The following NCOR2 variants were observed in gnomAD, a reference collection of about 807,000 sequenced individuals.
The protein encoded by NCOR2 is CTG repeat protein 26.
In NCOR2, 81 loss-of-function variants were observed where a neutral mutation model predicts 262.9. The ratio of observed to expected loss-of-function variants is 0.31; its 90% CI spans 0.26 to 0.37. The LOEUF is 0.37. Among genes scored for constraint, NCOR2 ranks in the 10% least tolerant of loss-of-function variants. The probability of loss-of-function intolerance (pLI) is 1.00; values close to 1 mark genes in which losing one functional copy is unlikely to be tolerated. For synonymous variants in NCOR2, 1,659 were observed against 1,559.3 expected, an observed-to-expected ratio of 1.06 and a Z score of -1.51; for missense variants, 3,385 against 3,621.4, an observed-to-expected ratio of 0.93 and a Z score of 1.68.
intron 38 of NCOR2, 190 bp from the exon 41 acceptor site, chr12:124,335,822 GA>G (rs2135781736): frequency 1.6e-6 from 1 of 612,462 alleles, no homozygotes; most frequent in African/African-American, 1.8e-5. Flanking sequence ...GGCCAAGGGA[GA>G]GGTGGAGAGA....
chr12:124,487,335 G>A (rs1242589224), intron 1 of NCOR2, among the ~76,000 whole-genome samples: 2 of 152,186 alleles, frequency 1.3e-5, no homozygotes, highest in East Asian at 1.9e-4. Context: ...CCCCAAGGCC[G>A]CCCTGTAAAA....
intron 7 of NCOR2, among the ~76,000 whole-genome samples, chr12:124,441,372 C>T (rs1264171661): frequency 3.3e-5 from 5 of 152,168 alleles, no homozygotes; most frequent in African/African-American, 9.7e-5. Flanking sequence ...ACTAGATTAG[C>T]GTCCCAGGAA....
At chr12:124,474,508 G>A (rs991918043) in intron 3 of NCOR2, among the ~76,000 whole-genome samples, 1 of 152,062 alleles carries the variant, frequency 6.6e-6, no homozygotes, top group Non-Finnish European at 1.5e-5. Context: ...GTGCACCCAG[G>A]CTGTGCTGGA....
intron 40 of NCOR2, 136 bp downstream of exon 42, chr12:124,334,998 GA>G: frequency 7.5e-7 from 1 of 1,338,612 alleles, no homozygotes; most frequent in Non-Finnish European, 1.1e-6. Context: ...CCACGCCCTG[GA>G]TCCCCCCAGC....
chr12:124,398,352 T>C (rs2041808897), intron 15 of NCOR2, among the ~76,000 whole-genome samples, 171 bp from the exon 18 acceptor site: 1 of 152,348 alleles, frequency 6.6e-6, no homozygotes, highest in Admixed American at 6.5e-5. Context: ...CCCCAGCCAG[T>C]ACCCACCGTG....
intron 10 of NCOR2, among the ~76,000 whole-genome samples, chr12:124,427,395 C>T (rs1045473008): frequency 1.3e-5 from 2 of 152,212 alleles, no homozygotes; most frequent in African/African-American, 4.8e-5. Context: ...TCCTAATGCA[C>T]TGGGATGACT....
intron 1 of NCOR2, among the ~76,000 whole-genome samples, chr12:124,516,517 C>T (rs569830134): frequency 7.2e-5 from 11 of 152,204 alleles, no homozygotes; most frequent in Non-Finnish European, 1.3e-4. Flanking sequence ...ATGGACGGAA[C>T]TCGAACTTAA....
At chr12:124,476,116 G>A (rs1008637196) in intron 3 of NCOR2, among the ~76,000 whole-genome samples, 2 of 152,174 alleles carry the variant, frequency 1.3e-5, no homozygotes, top group African/African-American at 4.8e-5. Flanking sequence ...GGGGCCATGG[G>A]CATCTGACCC....
rs569301022 is a variant in NCOR2, at chr12:124,440,555, G to A, written c.816-2559C>T. Reference sequence around the variant, plus strand: ...TTCCTCATCTGAAATCTATGGCATCGCAGCCTCATCTTCTGTTATTCAATA... The same window carrying A: ...TTCCTCATCTGAAATCTATGGCATCACAGCCTCATCTTCTGTTATTCAATA... On this transcript the variant is annotated intron_variant, in intron 7 of 46. Transcript: ENST00000405201. The surrounding 1 kb of genome is among the most constrained non-coding windows in gnomAD (Gnocchi z 5.7). 1.2e-3 allele frequency among the ~76,000 whole-genome samples: 188 copies of A among 152,344 alleles called. 2 individuals carry two copies. The highest frequency in any genetic ancestry group is 4.2e-3 in the Admixed American group (65 of 15,306).
At chr12:124,529,767 G>A (rs906939285) in intron 1 of NCOR2, 1 of 152,246 alleles carries the variant, frequency 6.6e-6, no homozygotes, top group Non-Finnish European at 1.5e-5. Flanking sequence ...GTAATCGCAT[G>A]TGCATTAGGG....
chr12:124,384,038 G>A (rs1403173414), intron 17 of NCOR2, among the ~76,000 whole-genome samples: 1 of 151,856 alleles, frequency 6.6e-6, no homozygotes, highest in Non-Finnish European at 1.5e-5. Context: ...CCCCAGAGAG[G>A]GGAGGCGGGG....
Position 124,553,387 on chromosome 12 carries a change from G to T in NCOR2, c.-165+13921C>A, listed in dbSNP as rs2051776378. Among the ~76,000 whole-genome samples, 4 of 152,170 alleles carry T rather than the reference G, an allele frequency of 2.6e-5. 1 individual carries two copies. In the South Asian group the frequency reaches 8.3e-4, roughly 32 times the overall value. On this transcript the variant is annotated intron_variant, in intron 1 of 32. Transcript: ENST00000458234. Reference sequence around the variant, plus strand: ...CTGAGAATTAGGACATCGTTCGGGGGACCATTACTCAGCTTAACACAGGCT... The same window carrying T: ...CTGAGAATTAGGACATCGTTCGGGGTACCATTACTCAGCTTAACACAGGCT...
At chr12:124,411,243 C>T (rs1050074588) in intron 13 of NCOR2, among the ~76,000 whole-genome samples, 7 of 151,700 alleles carry the variant, frequency 4.6e-5, no homozygotes, top group Admixed American at 1.3e-4. Flanking sequence ...GAGAAACAGA[C>T]GTAGCCACCC....
chr12:124,458,947 G>A (rs2046023940), intron 5 of NCOR2, among the ~76,000 whole-genome samples: 1 of 152,182 alleles, frequency 6.6e-6, no homozygotes, highest in African/African-American at 2.4e-5. Context: ...GGTAGCATGG[G>A]GGCAGGGCAG....
At chr12:124,325,260 G>A (rs1273728721) in exon 47 of NCOR2, 1 of 503,748 alleles carries the variant, frequency 2.0e-6, no homozygotes, top group Non-Finnish European at 3.3e-6. Context: ...TGCCGGCTCT[G>A]GACGGACAGA....
At chr12:124,352,346 G>A (rs2037557308) in intron 27 of NCOR2, among the ~76,000 whole-genome samples, 1 of 152,084 alleles carries the variant, frequency 6.6e-6, no homozygotes, top group Admixed American at 6.5e-5. Flanking sequence ...GATTTAAAAA[G>A]GGGGGCTCTC....
At chr12:124,354,014 G>C (rs1047816898) in intron 27 of NCOR2, 79 bp downstream of exon 29, 1 of 1,294,594 alleles carries the variant, frequency 7.7e-7, no homozygotes, top group Non-Finnish European at 1.1e-6. Context: ...TAATGGTTTG[G>C]TGACAATGAG....
chr12:124,462,816 C>T (rs899958879), intron 5 of NCOR2, among the ~76,000 whole-genome samples: 4 of 152,220 alleles, frequency 2.6e-5, no homozygotes, highest in African/African-American at 9.7e-5. Context: ...TTGCCCTGCT[C>T]AGTCCCGATC....
At chr12:124,472,987 C>T (rs754166329) in exon 4 of NCOR2, 4 of 1,614,218 alleles carry the variant, frequency 2.5e-6, no homozygotes, top group African/African-American at 2.7e-5. Flanking sequence ...TGCTGCTCTA[C>T]CATGGTGATC....
Sources: allele counts gnomAD v4.1 joint callset (sites outside exome capture counted in the v4.1 genomes callset), GRCh38; gene constraint gnomAD v4.1.1; non-coding constraint Gnocchi (gnomAD v3.1); transcripts MANE v1.5; gene names NCBI Gene and HGNC (gene_info 2026-07-23, HGNC 2026-07-21).